The following ZFPM2 variants were observed in gnomAD, a reference collection of about 807,000 sequenced individuals.
ZFPM2 encodes zinc finger protein, FOG family member 2.
In ZFPM2, 20 loss-of-function variants were observed where a neutral mutation model predicts 98.6. The ratio of observed to expected loss-of-function variants is 0.20; its 90% CI spans 0.14 to 0.29. ZFPM2 has a LOEUF of 0.29. Among genes scored for constraint, ZFPM2 ranks in the 10% least tolerant of loss-of-function variants. The probability of loss-of-function intolerance (pLI) is 1.00; values close to 1 mark genes in which losing one functional copy is unlikely to be tolerated. For synonymous variants in ZFPM2, 518 were observed against 502.7 expected (o/e 1.03, Z -0.41); for missense variants, 1,310 against 1,388.6 (o/e 0.94, Z 0.90).
chr8:105,468,737 A>G (rs1812841075), intron 3 of ZFPM2, among the ~76,000 whole-genome samples: 1 of 152,186 alleles, frequency 6.6e-6, no homozygotes, highest in Admixed American at 6.6e-5. Context: ...GCCAGACACT[A>G]AGCAGAATCT....
chr8:105,596,892 GAAAC>G (rs1431307872), intron 4 of ZFPM2, among the ~76,000 whole-genome samples: 2 of 151,564 alleles, frequency 1.3e-5, no homozygotes, highest in Non-Finnish European at 2.9e-5. Context: ...ACCCAGGAAA[GAAAC>G]AGACATACTC....
chr8:105,488,275 A>G (rs1254457783), intron 3 of ZFPM2, among the ~76,000 whole-genome samples: 1 of 152,210 alleles, frequency 6.6e-6, no homozygotes, highest in Non-Finnish European at 1.5e-5. Flanking sequence ...TCCGTGATGT[A>G]TTGACAGCTC....
At chr8:105,736,207 CTA>C (rs1278552294) in intron 5 of ZFPM2, among the ~76,000 whole-genome samples, 2 of 151,926 alleles carry the variant, frequency 1.3e-5, no homozygotes, top group East Asian at 3.9e-4. Flanking sequence ...GCCAAGATAT[CTA>C]TGAGTTGAAG....
At chr8:105,695,084 AG>A (rs1810983253) in intron 5 of ZFPM2, among the ~76,000 whole-genome samples, 1 of 152,186 alleles carries the variant, frequency 6.6e-6, no homozygotes, top group Admixed American at 6.5e-5. Context: ...CTGTCTACAT[AG>A]GATCAGCATT....
chr8:105,319,043 A>G (rs1811966997), intron 1 of ZFPM2, 62 bp downstream of exon 1: 1 of 1,456,206 alleles, frequency 6.9e-7, no homozygotes, highest in Admixed American at 2.2e-5. Flanking sequence ...GGTGCGCGGG[A>G]CGGGAAAGCG....
intron 5 of ZFPM2, among the ~76,000 whole-genome samples, chr8:105,756,577 C>T (rs1238653521): frequency 2.0e-5 from 3 of 152,172 alleles, no homozygotes; most frequent in African/African-American, 7.2e-5. Context: ...TTCTATAACT[C>T]TCCTAGTTAC....
intron 5 of ZFPM2, among the ~76,000 whole-genome samples, chr8:105,776,680 A>G (rs1813113578): frequency 6.6e-6 from 1 of 152,222 alleles, no homozygotes; most frequent in Non-Finnish European, 1.5e-5. Context: ...TCACATAAGT[A>G]ATCATATACC....
chr8:105,381,283 C>CT (rs1200089926), intron 1 of ZFPM2, among the ~76,000 whole-genome samples: 1 of 151,744 alleles, frequency 6.6e-6, no homozygotes, highest in Non-Finnish European at 1.5e-5. Flanking sequence ...TGAACTCATC[C>CT]TTTTTTCTGG....
intron 4 of ZFPM2, among the ~76,000 whole-genome samples, 159 bp downstream of exon 4, chr8:105,561,640 G>C (rs1413883078): frequency 6.6e-6 from 1 of 152,088 alleles, no homozygotes; most frequent in Admixed American, 6.6e-5. Context: ...CTTTTCAAGT[G>C]GTTTGTGTCT....
rs376338150 is a variant in ZFPM2, at chr8:105,330,973, G to A, written c.40+11992G>A. Among the ~76,000 whole-genome samples the A allele has an allele frequency of 5.2e-3, 779 of 150,700 alleles. 4 individuals are homozygous for A. Among genetic ancestry groups the A allele is most frequent in the South Asian group, 0.018 (87 of 4,792 alleles). ...GCTTTGATAGTATTTCAGTTTTTTT[G>A]TGTGTATCTGTGAACAACTCTCTAA... On this transcript the variant is annotated intron_variant, in intron 1 of 7. Coordinates refer to ENST00000407775, the MANE Select transcript of ZFPM2 (RefSeq NM_012082.4).
At chr8:105,625,748 G>GT (rs1326957797) in intron 4 of ZFPM2, among the ~76,000 whole-genome samples, 3 of 151,596 alleles carry the variant, frequency 2.0e-5, no homozygotes, top group South Asian at 4.2e-4. Flanking sequence ...CCTGGCTAAT[G>GT]TTTTTTGTAA....
chr8:105,658,586 CAAAAAAAA>C (rs773181953), intron 5 of ZFPM2, among the ~76,000 whole-genome samples: 2 of 7,902 alleles, frequency 2.5e-4, no homozygotes, highest in Non-Finnish European at 4.1e-4. Flanking sequence ...GACTCCGTCT[CAAAAAAAA>C]AAAAAAAAAA....
intron 2 of ZFPM2, among the ~76,000 whole-genome samples, chr8:105,442,339 G>A (rs915791496): frequency 1.3e-5 from 2 of 152,054 alleles, no homozygotes; most frequent in Non-Finnish European, 2.9e-5. Flanking sequence ...GCGAGACTCC[G>A]TCTCAAAGCA....
intron 4 of ZFPM2, among the ~76,000 whole-genome samples, chr8:105,619,373 TTTA>T (rs1306997784): frequency 6.6e-6 from 1 of 152,064 alleles, no homozygotes; most frequent in Non-Finnish European, 1.5e-5. Flanking sequence ...TTTAGATATT[TTTA>T]TTATTAATAT....
chr8:105,753,685 A>C (rs1812526061), intron 5 of ZFPM2, among the ~76,000 whole-genome samples: 1 of 152,198 alleles, frequency 6.6e-6, no homozygotes, highest in Non-Finnish European at 1.5e-5. Context: ...TGTTAGTAAG[A>C]AAATAAATTT....
chr8:105,661,786 G>A (rs1022584316), intron 5 of ZFPM2, among the ~76,000 whole-genome samples: 11 of 152,036 alleles, frequency 7.2e-5, no homozygotes, highest in Non-Finnish European at 1.5e-4. Flanking sequence ...TTGAGGCAAG[G>A]TTTCAAGCTT....
intron 1 of ZFPM2, among the ~76,000 whole-genome samples, chr8:105,321,160 A>T (rs1414806271): frequency 6.6e-6 from 1 of 152,128 alleles, no homozygotes; most frequent in Non-Finnish European, 1.5e-5. Flanking sequence ...ATGTCGTTTG[A>T]CCAGCTTTAA....
At chr8:105,616,179 A>T (rs1586151884) in intron 4 of ZFPM2, among the ~76,000 whole-genome samples, 3 of 152,116 alleles carry the variant, frequency 2.0e-5, no homozygotes, top group African/African-American at 7.2e-5. Flanking sequence ...ACGAATTCCC[A>T]AATGCCCTAC....
intron 3 of ZFPM2, among the ~76,000 whole-genome samples, chr8:105,495,037 C>T (rs193013705): frequency 2.8e-3 from 429 of 152,306 alleles, no homozygotes; most frequent in Admixed American, 4.4e-3. Flanking sequence ...AAAAACTACT[C>T]TTAGCTGATA....
Sources: allele counts gnomAD v4.1 joint callset (sites outside exome capture counted in the v4.1 genomes callset), GRCh38; gene constraint gnomAD v4.1.1; transcripts MANE v1.5; gene names NCBI Gene and HGNC (gene_info 2026-07-23, HGNC 2026-07-21).